The following DOP1A variants were observed in gnomAD, a reference collection of about 807,000 sequenced individuals.
DOP1A encodes the protein protein DOP1A.
DOP1A carries 90 observed loss-of-function variants against 267.6 expected under a neutral mutation model. The ratio of observed to expected loss-of-function variants is 0.34; its 90% CI spans 0.28 to 0.40. The LOEUF (loss-of-function observed/expected upper bound fraction) is 0.40, where lower values mean the gene tolerates loss of function less well. Ranked by LOEUF, DOP1A falls within the 10% of genes least tolerant of loss-of-function variation. The pLI, the probability that DOP1A is intolerant of heterozygous loss-of-function variation, is 1.00. For missense variants in DOP1A, 2,437 were observed against 2,900.4 expected (o/e 0.84, Z 3.67); for synonymous variants, 932 against 999.1 (o/e 0.93, Z 1.27).
chr6:83,139,479 T>C (rs1779288335), intron 21 of DOP1A, among the ~76,000 whole-genome samples: 1 of 152,154 alleles, frequency 6.6e-6, no homozygotes, highest in African/African-American at 2.4e-5. Flanking sequence ...CCAGGTTTTG[T>C]CTGTTTTATC....
chr6:83,084,686 G>A (rs1302960870), intron 1 of DOP1A, among the ~76,000 whole-genome samples: 6 of 151,916 alleles, frequency 3.9e-5, no homozygotes, highest in South Asian at 4.2e-4. Flanking sequence ...GGGTTCAAGC[G>A]ATTCTTGTGC....
intron 16 of DOP1A, 60 bp downstream of exon 16, chr6:83,129,568 T>C: frequency 7.3e-7 from 1 of 1,370,048 alleles, no homozygotes; most frequent in Non-Finnish European, 9.4e-7. Flanking sequence ...TTTTTCTTTT[T>C]AAAAGAGGCA....
At chr6:83,170,287 AG>A, downstream of DOP1A, 2 of 1,611,590 alleles carry the variant, frequency 1.2e-6, no homozygotes, top group Non-Finnish European at 1.7e-6. Flanking sequence ...CTTTTTCAAT[AG>A]AACTATCCCA....
chr6:83,138,814 T>A lies in DOP1A; in HGVS notation c.4772T>A (p.Val1591Asp). 6.2e-7 allele frequency: 1 copy of A among 1,614,042 alleles called. No individual in the cohort carries two copies. Among genetic ancestry groups the A allele is most frequent in the Non-Finnish European group, 8.5e-7 (1 of 1,179,952 alleles). The change falls in exon 21 of 39, where the codon GTT becomes GAT. Residue 1591 changes from valine to aspartate, a missense_variant. Transcript: ENST00000349129. ...CTTAAGGTGCTTCAGAGGCTGATTG[T>A]TCTAGAACACAGAGTAATGACTATT... is the stretch of plus-strand genomic sequence containing the variant. ...QLLKVLQRLIVLEHRVMTIPE... is the reference protein window; with the variant it reads ...QLLKVLQRLIDLEHRVMTIPE...
downstream of DOP1A, chr6:83,168,688 T>C: frequency 1.0e-6 from 1 of 995,760 alleles, no homozygotes; most frequent in Non-Finnish European, 1.2e-6. Flanking sequence ...CATCTCCACC[T>C]CAGTATGGAA....
At chr6:83,076,270 T>C (rs552745249) in intron 1 of DOP1A, among the ~76,000 whole-genome samples, 1 of 152,304 alleles carries the variant, frequency 6.6e-6, no homozygotes, top group East Asian at 1.9e-4. Context: ...AGGCCTGTAA[T>C]CCCAGCACTT....
At chr6:83,166,707 T>C in intron 38 of DOP1A, 1 of 1,222,996 alleles carries the variant, frequency 8.2e-7, no homozygotes, top group Non-Finnish European at 1.0e-6. Context: ...TTCAGGATTT[T>C]ACTTTAAAAT....
chr6:83,116,401 C>T (rs1775435204), intron 7 of DOP1A, among the ~76,000 whole-genome samples: 1 of 152,122 alleles, frequency 6.6e-6, no homozygotes, highest in African/African-American at 2.4e-5. Context: ...TTTTATTGTA[C>T]AATACCAATC....
intron 3 of DOP1A, among the ~76,000 whole-genome samples, chr6:83,100,066 G>A (rs1395739023): frequency 1.3e-5 from 2 of 152,020 alleles, no homozygotes; most frequent in African/African-American, 4.8e-5. Flanking sequence ...TGAGTGGTTG[G>A]TAAGATAGGG....
intron 37 of DOP1A, 139 bp downstream of exon 37, chr6:83,160,099 C>T (rs1340983504): frequency 1.2e-6 from 1 of 831,510 alleles, no homozygotes; most frequent in African/African-American, 1.7e-5. Flanking sequence ...TCTTTTGGCA[C>T]AGCAGAGTTA....
At position 83,138,902 on chromosome 6, in the gene DOP1A, T is replaced by A. The variant is rs755420020; in HGVS notation, c.4860T>A (p.His1620Gln). The change falls in exon 21 of 39, where the codon CAT becomes CAA. Residue 1620 changes from histidine to glutamine, a missense_variant. By Grantham distance (24) the His-to-Gln change is conservative (BLOSUM62 0). Coordinates refer to ENST00000349129, the MANE Select transcript of DOP1A (RefSeq NM_015018.4). Reference protein sequence around the residue: ...VVSDLEHISPHQPMTSLQYLH... With the variant: ...VVSDLEHISPQQPMTSLQYLH... ...CTGACTTAGAACACATCAGTCCCCA[T>A]CAACCCATGACTTCTCTTCAGTATT... The A allele has an allele frequency of 6.2e-7, 1 of 1,614,084 alleles. No homozygotes were observed. Among genetic ancestry groups the A allele is most frequent in the Non-Finnish European group, 8.5e-7 (1 of 1,179,962 alleles).
At chr6:83,102,329 G>A (rs550214438) in intron 4 of DOP1A, among the ~76,000 whole-genome samples, 1 of 152,268 alleles carries the variant, frequency 6.6e-6, no homozygotes, top group African/African-American at 2.4e-5. Context: ...GTCTCATGGT[G>A]GTTAAGAGAA....
chr6:83,094,858 C>T (rs1376213531), intron 1 of DOP1A, among the ~76,000 whole-genome samples: 1 of 152,070 alleles, frequency 6.6e-6, no homozygotes, highest in Non-Finnish European at 1.5e-5. Context: ...CTTTGCAACA[C>T]GAAAGTTTTA....
At chr6:83,102,699 A>C (rs536075180) in intron 4 of DOP1A, among the ~76,000 whole-genome samples, 1 of 152,230 alleles carries the variant, frequency 6.6e-6, no homozygotes, top group Admixed American at 6.5e-5. Flanking sequence ...TAATCTTTTT[A>C]ATATATTAAA....
Position 83,151,990 on chromosome 6 carries a change from A to G in DOP1A, c.6012A>G (p.Ile2004Met). 4 of 1,613,968 alleles carry G rather than the reference A, an allele frequency of 2.5e-6. No individual in the cohort carries two copies. Among genetic ancestry groups the G allele is most frequent in the Non-Finnish European group, 3.4e-6 (4 of 1,179,924 alleles). Residue 2004 changes from isoleucine to methionine, a missense_variant, in exon 29 of 39, where the codon ATA (isoleucine) becomes ATG (methionine). By Grantham distance (10) the Ile-to-Met change is conservative (BLOSUM62 1). This residue lies in a region of DOP1A where 216 missense variants were observed against 283.3 expected (regional missense o/e 0.76). Transcript: ENST00000349129. ...RNLEVKPSPK[I>M]MVDGTNLESD... ...TTGAAGTTAAGCCTTCTCCCAAAAT[A>G]ATGGTAGATGGAACCAATTTGGAAT...
intron 1 of DOP1A, among the ~76,000 whole-genome samples, chr6:83,068,328 G>T (rs1234208705): frequency 6.6e-6 from 1 of 152,196 alleles, no homozygotes; most frequent in Non-Finnish European, 1.5e-5. Context: ...TCAAACGGGT[G>T]TTGTTAACAA....
Position 83,122,877 on chromosome 6 carries a change from A to G in DOP1A, c.1235A>G (p.Asn412Ser). The G allele has an allele frequency of 6.7e-7, 1 of 1,486,954 alleles. No individual in the cohort carries two copies. The allele number at this position is 1,486,954 out of a possible 1,614,324, so 92.1% of individuals were successfully genotyped here. Residue 412 changes from asparagine to serine, a missense_variant, in exon 12 of 39, where the codon AAT (asparagine) becomes AGT (serine). Around this residue, in one of 9 missense-constraint regions of DOP1A, gnomAD observed 498 missense variants for 513.5 expected, o/e 0.97. Transcript: ENST00000349129. The part of the protein sequence containing the change: ...HAQLSSKLRE[N>S]KKTAELIKTA... The stretch of plus-strand genomic sequence containing the variant: ...TCTTTTTTCAGTAAATTAAGAGAAA[A>G]TAAGAAAACAGCAGAGCTGATTAAA...
chr6:83,129,783 T>C (rs1777740794), intron 16 of DOP1A, among the ~76,000 whole-genome samples: 1 of 152,186 alleles, frequency 6.6e-6, no homozygotes. Context: ...GCTGGTTTTC[T>C]TTGTTATGAC....
rs577509192 is a variant in DOP1A, at chr6:83,151,005, C to T, written c.5838-588C>T. On this transcript the variant is annotated intron_variant, in intron 27 of 38. Coordinates refer to ENST00000349129, the MANE Select transcript of DOP1A (RefSeq NM_015018.4). ...CCCAAATGTAACCACTATTCTAACA[C>T]CACAGATGGATTTTGCCTTGTTTTT... Among the ~76,000 whole-genome samples, 12 of 152,274 alleles carry T rather than the reference C, an allele frequency of 7.9e-5. No individual in the cohort carries two copies. The South Asian group carries it at 2.1e-3, about 26-fold the overall frequency.
Sources: allele counts gnomAD v4.1 joint callset (sites outside exome capture counted in the v4.1 genomes callset), GRCh38; gene constraint gnomAD v4.1.1; regional missense constraint gnomAD v4.1.1; transcripts MANE v1.5; gene names NCBI Gene and HGNC (gene_info 2026-07-23, HGNC 2026-07-21).